The following RSRC1 variants were observed in gnomAD, a reference collection of about 807,000 sequenced individuals.
RSRC1 encodes the protein arginine and serine rich coiled-coil 1.
In RSRC1, 39 loss-of-function variants were observed where a neutral mutation model predicts 49.1. The observed-to-expected ratio is 0.79, with a 90% confidence interval of 0.61 to 1.04. The LOEUF is 1.04. RSRC1 is among the 50% of genes least tolerant of loss of function. The pLI is 0.00. For missense variants in RSRC1, 388 were observed against 402.4 expected, an observed-to-expected ratio of 0.96 and a Z score of 0.31; for synonymous variants, 143 against 130.8, an observed-to-expected ratio of 1.09 and a Z score of -0.63.
chr3:158,281,934 A>G (rs965221447), intron 4 of RSRC1, among the ~76,000 whole-genome samples: 3 of 152,260 alleles, frequency 2.0e-5, no homozygotes, highest in Non-Finnish European at 2.9e-5. Flanking sequence ...CCAAAATTCT[A>G]TGTGTGACCA....
intron 6 of RSRC1, among the ~76,000 whole-genome samples, chr3:158,400,332 A>G (rs1733834191): frequency 6.6e-6 from 1 of 152,162 alleles, no homozygotes; most frequent in South Asian, 2.1e-4. Context: ...ACAGTACATA[A>G]TACTTGATAC....
intron 4 of RSRC1, among the ~76,000 whole-genome samples, chr3:158,260,000 G>A (rs1373879827): frequency 2.0e-5 from 3 of 152,096 alleles, no homozygotes; most frequent in Non-Finnish European, 4.4e-5. Flanking sequence ...GCCCAAGGCA[G>A]GTCCAGAAAT....
chr3:158,235,993 A>G (rs1454071722), intron 4 of RSRC1, among the ~76,000 whole-genome samples: 3 of 151,960 alleles, frequency 2.0e-5, no homozygotes, highest in Non-Finnish European at 4.4e-5. Flanking sequence ...GTGTATGTCT[A>G]TAATCCCAGC....
chr3:158,334,746 C>A (rs1299481842), intron 5 of RSRC1, among the ~76,000 whole-genome samples: 2 of 151,584 alleles, frequency 1.3e-5, no homozygotes, highest in Admixed American at 1.3e-4. Context: ...GTCTCGATCT[C>A]CTGACCTCGT....
At chr3:158,348,054 C>G (rs912608399) in intron 5 of RSRC1, among the ~76,000 whole-genome samples, 1 of 152,110 alleles carries the variant, frequency 6.6e-6, no homozygotes, top group Admixed American at 6.5e-5. Flanking sequence ...CTTTGTTACC[C>G]TATCTTAATT....
chr3:158,172,055 C>T (rs1285168916), intron 3 of RSRC1, among the ~76,000 whole-genome samples: 1 of 151,920 alleles, frequency 6.6e-6, no homozygotes, highest in South Asian at 2.1e-4. Flanking sequence ...AAGGAAAACT[C>T]GGTAACATGT....
chr3:158,467,336 A>T (rs1389922308), intron 7 of RSRC1, among the ~76,000 whole-genome samples: 1 of 152,224 alleles, frequency 6.6e-6, no homozygotes, highest in Non-Finnish European at 1.5e-5. Context: ...ATCATAAAAT[A>T]CACTAAATTC....
In RSRC1 at chr3:158,543,393, T is replaced by C. The variant is rs1238917369; in HGVS notation, c.818T>C (p.Val273Ala). 3 of 1,601,444 alleles carry C rather than the reference T, an allele frequency of 1.9e-6. No individual in the cohort carries two copies. Among genetic ancestry groups the C allele is most frequent in the Non-Finnish European group, 2.6e-6 (3 of 1,174,326 alleles). ...ATSTSGPASA[V>A]ADPPSTEKEI... Reference sequence around the variant, plus strand: ...TCAACATCAGGACCAGCATCAGCAGTTGCTGATCCACCCAGTACTGAAAAA... The same window carrying C: ...TCAACATCAGGACCAGCATCAGCAGCTGCTGATCCACCCAGTACTGAAAAA... Residue 273 changes from valine (V) to alanine (A), a missense_variant, in exon 9 of 10, where the codon GTT (valine) becomes GCT (alanine). Val to Ala is a moderately conservative substitution (Grantham distance 64). Coordinates refer to ENST00000611884, the MANE Select transcript of RSRC1 (RefSeq NM_001271838.2).
At chr3:158,190,211 A>T (rs1184035321) in intron 3 of RSRC1, among the ~76,000 whole-genome samples, 2 of 152,014 alleles carry the variant, frequency 1.3e-5, no homozygotes. Context: ...CTTAATCAGG[A>T]TATATCTCAG....
At chr3:158,471,422 G>A (rs1466149800) in intron 7 of RSRC1, among the ~76,000 whole-genome samples, 1 of 152,098 alleles carries the variant, frequency 6.6e-6, no homozygotes, top group Non-Finnish European at 1.5e-5. Context: ...GCATTCAGTA[G>A]AAGTTAGCTA....
At chr3:158,138,772 A>G (rs1716559911) in intron 3 of RSRC1, among the ~76,000 whole-genome samples, 1 of 152,208 alleles carries the variant, frequency 6.6e-6, no homozygotes, top group Non-Finnish European at 1.5e-5. Flanking sequence ...TTAAGTTAAA[A>G]TTATTTTCCC....
chr3:158,450,469 A>G (rs1248899144), intron 6 of RSRC1, among the ~76,000 whole-genome samples: 3 of 151,818 alleles, frequency 2.0e-5, no homozygotes, highest in Non-Finnish European at 2.9e-5. Flanking sequence ...CAGAATAATC[A>G]TTTCCAATAT....
intron 5 of RSRC1, among the ~76,000 whole-genome samples, chr3:158,301,641 A>G: frequency 6.6e-6 from 1 of 152,220 alleles, no homozygotes; most frequent in South Asian, 2.1e-4. Context: ...TGCTACAAGC[A>G]TACTTTGAGT....
chr3:158,424,999 T>C (rs1273446125), intron 6 of RSRC1, among the ~76,000 whole-genome samples: 1 of 150,982 alleles, frequency 6.6e-6, no homozygotes, highest in African/African-American at 2.4e-5. Flanking sequence ...GCTAGCGGTC[T>C]ATCAATTTTG....
chr3:158,306,484 C>A (rs569240426), intron 5 of RSRC1, among the ~76,000 whole-genome samples: 28 of 151,808 alleles, frequency 1.8e-4, no homozygotes, highest in Non-Finnish European at 3.8e-4. Flanking sequence ...CGTAATTTGT[C>A]TTTTATGGAG....
intron 6 of RSRC1, among the ~76,000 whole-genome samples, chr3:158,436,438 T>C (rs1454982339): frequency 6.6e-6 from 1 of 151,872 alleles, no homozygotes; most frequent in East Asian, 1.9e-4. Flanking sequence ...TCTCAAATTA[T>C]AAAGTGAAAA....
chr3:158,374,347 C>A (rs1732238257), intron 6 of RSRC1, among the ~76,000 whole-genome samples: 1 of 152,064 alleles, frequency 6.6e-6, no homozygotes, highest in Non-Finnish European at 1.5e-5. Flanking sequence ...AATACAGGAA[C>A]AGAGGTATAG....
intron 3 of RSRC1, among the ~76,000 whole-genome samples, chr3:158,143,098 A>C (rs958295951): frequency 5.3e-5 from 8 of 152,166 alleles, no homozygotes; most frequent in African/African-American, 1.9e-4. Flanking sequence ...GATTATCTCT[A>C]CCTCCAGAAG....
intron 5 of RSRC1, among the ~76,000 whole-genome samples, chr3:158,325,631 G>C (rs967520099): frequency 6.6e-6 from 1 of 152,116 alleles, no homozygotes; most frequent in East Asian, 1.9e-4. Flanking sequence ...GGTTACTGTA[G>C]CCTTGTAGTA....
Sources: allele counts gnomAD v4.1 joint callset (sites outside exome capture counted in the v4.1 genomes callset), GRCh38; gene constraint gnomAD v4.1.1; transcripts MANE v1.5; gene names NCBI Gene and HGNC (gene_info 2026-07-23, HGNC 2026-07-21).